The following TMEM108 variants were observed in gnomAD, a reference collection of about 807,000 sequenced individuals.
TMEM108 encodes transmembrane protein 108.
In TMEM108, 12 loss-of-function variants were observed where a neutral mutation model predicts 35.1. The observed-to-expected ratio is 0.34, with a 90% confidence interval of 0.22 to 0.55. TMEM108 has a LOEUF of 0.55. TMEM108 is among the 20% of genes least tolerant of loss of function. The pLI, the probability that TMEM108 is intolerant of heterozygous loss-of-function variation, is 0.89. For synonymous variants in TMEM108, 287 were observed against 308.6 expected (o/e 0.93, Z 0.73); for missense variants, 680 against 753.3 (o/e 0.90, Z 1.14).
At chr3:133,073,963 G>GGTCCTTCTTTT (rs1943710011) in intron 2 of TMEM108, among the ~76,000 whole-genome samples, 3 of 151,620 alleles carry the variant, frequency 2.0e-5, no homozygotes, top group Admixed American at 2.0e-4. Context: ...GTCTTCTTTT[G>GGTCCTTCTTTT]GGAAATAGCT....
At chr3:133,048,613 T>C (rs1943367081) in intron 2 of TMEM108, among the ~76,000 whole-genome samples, 1 of 152,216 alleles carries the variant, frequency 6.6e-6, no homozygotes. Context: ...GCATTCCCCC[T>C]TGCTGTGTTT....
At chr3:133,074,259 T>C (rs1943713584) in intron 2 of TMEM108, 1 of 152,170 alleles carries the variant, frequency 6.6e-6, no homozygotes, top group African/African-American at 2.4e-5. Context: ...TTTATCTTCA[T>C]ATTTCATTTG....
At chr3:133,204,642 T>G (rs1333528716) in intron 2 of TMEM108, among the ~76,000 whole-genome samples, 1 of 152,240 alleles carries the variant, frequency 6.6e-6, no homozygotes, top group African/African-American at 2.4e-5. Flanking sequence ...GAGTTCTAAT[T>G]TGATTGCACT....
intron 2 of TMEM108, among the ~76,000 whole-genome samples, chr3:133,070,770 T>TGTGTGC (rs1943666577): frequency 6.6e-6 from 1 of 151,818 alleles, no homozygotes; most frequent in Non-Finnish European, 1.5e-5. Context: ...TGTGTGTGTG[T>TGTGTGC]GTATCTGTGT....
chr3:133,256,190 T>C (rs1019749745), intron 3 of TMEM108, among the ~76,000 whole-genome samples: 7 of 152,136 alleles, frequency 4.6e-5, no homozygotes, highest in Non-Finnish European at 8.8e-5. Context: ...AAAATGCTGA[T>C]AGAAAACAAC....
In TMEM108 at chr3:133,073,569, C is replaced by CACTTAAGTT. The variant is rs1943705301; in HGVS notation, c.-47+27550_-47+27558dup. 2.9e-5 allele frequency among the ~76,000 whole-genome samples: 4 copies of CACTTAAGTT among 135,888 alleles called. No homozygotes were observed. The East Asian group carries it at 8.4e-4, about 29-fold the overall frequency. The allele number at this position is 135,888 out of a possible 152,430, so 89.1% of individuals were successfully genotyped here. On this transcript the variant is annotated intron_variant, in intron 2 of 5. Coordinates refer to ENST00000321871, the MANE Select transcript of TMEM108 (RefSeq NM_023943.4). ...CTTTATCCATTTATCTGTTGATGGT[C>CACTTAAGTT]ACTTAAGTTGATCTCATATCTTGGC...
At chr3:133,041,216 T>C (rs559744057) in intron 1 of TMEM108, among the ~76,000 whole-genome samples, 1 of 152,328 alleles carries the variant, frequency 6.6e-6, no homozygotes, top group African/African-American at 2.4e-5. Flanking sequence ...TTATGTGGCT[T>C]CCAGAGGACC....
chr3:133,215,282 T>C (rs1448072964), intron 2 of TMEM108, among the ~76,000 whole-genome samples: 1 of 151,860 alleles, frequency 6.6e-6, no homozygotes, highest in African/African-American at 2.4e-5. Flanking sequence ...CTTACTGTGC[T>C]TAGAAACACT....
chr3:133,155,131 C>T (rs1411625007), intron 2 of TMEM108, among the ~76,000 whole-genome samples: 3 of 151,956 alleles, frequency 2.0e-5, no homozygotes, highest in Admixed American at 6.6e-5. Context: ...ATCTTGCATT[C>T]GTTTGGTAAG....
intron 2 of TMEM108, among the ~76,000 whole-genome samples, chr3:133,179,511 A>G (rs1035596153): frequency 2.7e-4 from 41 of 152,286 alleles, no homozygotes; most frequent in African/African-American, 8.9e-4. Context: ...TTGTAGGGAC[A>G]TGGATGAAGC....
At chr3:133,265,730 A>G (rs1041921666) in intron 3 of TMEM108, among the ~76,000 whole-genome samples, 2 of 152,210 alleles carry the variant, frequency 1.3e-5, no homozygotes, top group African/African-American at 4.8e-5. Context: ...TTTCCCCTCC[A>G]GATTCCATAG....
At chr3:133,162,041 G>C (rs9878527) in intron 2 of TMEM108, among the ~76,000 whole-genome samples, 3 of 152,062 alleles carry the variant, frequency 2.0e-5, no homozygotes, top group Admixed American at 1.3e-4. Flanking sequence ...TAACCTGCTA[G>C]ACATATAGCA....
chr3:133,123,787 AC>A (rs1349157128), intron 2 of TMEM108, among the ~76,000 whole-genome samples: 1 of 152,218 alleles, frequency 6.6e-6, no homozygotes, highest in Non-Finnish European at 1.5e-5. Flanking sequence ...GATAGTGTCC[AC>A]CCATGTCAAC....
chr3:133,189,637 T>G (rs929090626), intron 2 of TMEM108, among the ~76,000 whole-genome samples: 1 of 152,176 alleles, frequency 6.6e-6, no homozygotes, highest in African/African-American at 2.4e-5. Flanking sequence ...TTAACAGAAG[T>G]TTACTTGACA....
chr3:133,356,612 T>C (rs547985605), intron 3 of TMEM108, among the ~76,000 whole-genome samples: 4 of 152,292 alleles, frequency 2.6e-5, no homozygotes, highest in South Asian at 4.1e-4. Context: ...ATGGTACTTA[T>C]ATAAAAACAG....
At chr3:133,389,207 T>TC in intron 4 of TMEM108, 3 of 985,578 alleles carry the variant, frequency 3.0e-6, no homozygotes, top group Non-Finnish European at 3.6e-6. Flanking sequence ...GCCACTCAAT[T>TC]CACACATGGT....
intron 1 of TMEM108, among the ~76,000 whole-genome samples, chr3:133,044,790 T>C (rs1184149609): frequency 6.6e-6 from 1 of 152,126 alleles, no homozygotes; most frequent in Non-Finnish European, 1.5e-5. Context: ...TCCATCACTA[T>C]ATACATTTAA....
At chr3:133,291,865 G>T (rs1267584287) in intron 3 of TMEM108, among the ~76,000 whole-genome samples, 2 of 151,886 alleles carry the variant, frequency 1.3e-5, no homozygotes, top group African/African-American at 4.8e-5. Flanking sequence ...AGACATACAC[G>T]ATCTCTCTAC....
intron 3 of TMEM108, among the ~76,000 whole-genome samples, chr3:133,239,783 A>G (rs555528262): frequency 6.6e-6 from 1 of 152,218 alleles, no homozygotes; most frequent in Non-Finnish European, 1.5e-5. Context: ...TAGCTTCCCT[A>G]CCTCACTTGG....
Sources: gnomAD v4.1 joint callset for allele counts (sites outside exome capture counted in the v4.1 genomes callset) on GRCh38, gnomAD v4.1.1 for gene constraint, MANE v1.5 for transcripts, NCBI Gene and HGNC (gene_info 2026-07-23, HGNC 2026-07-21) for gene names.